CTNNA2: variants seen among roughly 807,000 people sequenced by gnomAD.
The protein encoded by CTNNA2 is catenin alpha-2.
CTNNA2 carries 42 observed loss-of-function variants against 101.0 expected under a neutral mutation model. That is an observed-to-expected ratio of 0.42 (90% CI 0.32 to 0.54). The LOEUF (loss-of-function observed/expected upper bound fraction) is 0.54, where lower values mean the gene tolerates loss of function less well. CTNNA2 is among the 20% of genes least tolerant of loss of function. The pLI is 0.14. For missense variants in CTNNA2, 871 were observed against 1,223.1 expected (o/e 0.71, Z 4.29); for synonymous variants, 450 against 456.4 (o/e 0.99, Z 0.18).
intron 7 of CTNNA2, among the ~76,000 whole-genome samples, chr2:80,176,775 T>A (rs112552868): frequency 1.7e-3 from 252 of 152,332 alleles, no homozygotes; most frequent in Non-Finnish European, 2.9e-3. Context: ...TCTGGGTCAA[T>A]CACCCCAGCC....
At chr2:80,589,912 G>A (rs893749937) in intron 15 of CTNNA2, among the ~76,000 whole-genome samples, 27 of 151,970 alleles carry the variant, frequency 1.8e-4, no homozygotes, top group East Asian at 5.8e-4. Context: ...GTGTGCGCGC[G>A]CGCGCATGTA....
At chr2:80,564,253 T>C (rs1693856838) in intron 12 of CTNNA2, among the ~76,000 whole-genome samples, 1 of 152,222 alleles carries the variant, frequency 6.6e-6, no homozygotes, top group African/African-American at 2.4e-5. Flanking sequence ...AGCTAGGTTT[T>C]GACAAACACT....
chr2:79,744,562 T>C lies in CTNNA2; in HGVS notation c.278T>C (p.Val93Ala), dbSNP rs773262596. 4 of 1,613,844 alleles carry C rather than the reference T, an allele frequency of 2.5e-6. No homozygotes were observed. Among genetic ancestry groups the C allele is most frequent in the South Asian group, 1.1e-5 (1 of 91,062 alleles). ...QDLKEELVAA[V>A]EDVRKQGETM... Reference sequence around the variant, plus strand: ...CTCAAAGAAGAGTTGGTGGCTGCTGTAGAGGATGTGCGCAAACAAGGTAGG... The same window carrying C: ...CTCAAAGAAGAGTTGGTGGCTGCTGCAGAGGATGTGCGCAAACAAGGTAGG... The change falls in exon 3 of 19, where the codon GTA becomes GCA. Residue 93 changes from valine to alanine, a missense_variant. By Grantham distance (64) the Val-to-Ala change is moderately conservative. This residue lies in a region of CTNNA2 where 647 missense variants were observed against 831.5 expected (regional missense o/e 0.78). Coordinates refer to ENST00000402739, the MANE Select transcript of CTNNA2 (RefSeq NM_001282597.3).
At chr2:79,992,409 G>A (rs908420455) in intron 7 of CTNNA2, among the ~76,000 whole-genome samples, 8 of 152,278 alleles carry the variant, frequency 5.3e-5, no homozygotes, top group Non-Finnish European at 1.0e-4. Context: ...AAATGTGTGA[G>A]GAATGATATA....
At chr2:80,317,698 G>A (rs530177186) in intron 7 of CTNNA2, among the ~76,000 whole-genome samples, 2 of 152,182 alleles carry the variant, frequency 1.3e-5, no homozygotes, top group African/African-American at 4.8e-5. Flanking sequence ...ACAGAATACC[G>A]ACAACCACAC....
At chr2:79,493,032 A>G (rs1411513624) in intron 4 of CTNNA2, among the ~76,000 whole-genome samples, 1 of 152,318 alleles carries the variant, frequency 6.6e-6, no homozygotes, top group African/African-American at 2.4e-5. Context: ...AGAACCATCA[A>G]CAAACTATGA....
Position 80,451,961 on chromosome 2 carries a change from G to A in CTNNA2, c.1290+32360G>A, listed in dbSNP as rs145058160. On this transcript the variant is annotated intron_variant, in intron 9 of 18. Transcript: ENST00000402739. Reference sequence around the variant, plus strand: ...AAGAGGAGGGCAAAAATAGAATTTGGACATAGAAAAAAATCCCTAAATCCA... The same window carrying A: ...AAGAGGAGGGCAAAAATAGAATTTGAACATAGAAAAAAATCCCTAAATCCA... 2.0e-5 allele frequency among the ~76,000 whole-genome samples: 3 copies of A among 152,048 alleles called. No individual in the cohort carries two copies. The East Asian group carries it at 5.8e-4, about 29-fold the overall frequency.
At chr2:79,543,450 G>T (rs544689193) in intron 1 of CTNNA2, among the ~76,000 whole-genome samples, 35 of 152,222 alleles carry the variant, frequency 2.3e-4, no homozygotes, top group Non-Finnish European at 4.6e-4. Flanking sequence ...TTTCTTTAAA[G>T]ATGTTTTTAA....
chr2:79,506,461 T>C (rs558802619), intron 5 of CTNNA2, among the ~76,000 whole-genome samples: 1 of 152,244 alleles, frequency 6.6e-6, no homozygotes, highest in Non-Finnish European at 1.5e-5. Flanking sequence ...CTGCATAGGC[T>C]ATAAACCCAC....
intron 6 of CTNNA2, among the ~76,000 whole-genome samples, chr2:79,892,204 G>A (rs748914338): frequency 6.6e-6 from 1 of 152,042 alleles, no homozygotes; most frequent in Non-Finnish European, 1.5e-5. Context: ...ATTCTGTTAA[G>A]ATTTGTGGAT....
intron 1 of CTNNA2, among the ~76,000 whole-genome samples, chr2:79,529,574 A>G (rs1672618324): frequency 1.3e-5 from 2 of 152,074 alleles, no homozygotes; most frequent in Admixed American, 6.6e-5. Context: ...TGGGATCTGC[A>G]TCTCAGGAAT....
At chr2:79,280,920 T>G (rs528177887) in intron 2 of CTNNA2, among the ~76,000 whole-genome samples, 239 of 152,162 alleles carry the variant, frequency 1.6e-3, no homozygotes, top group Non-Finnish European at 2.7e-3. Flanking sequence ...GAAAGCCTGA[T>G]GGGATCACTT....
chr2:80,300,616 T>TTC lies in CTNNA2; in HGVS notation c.1057-92586_1057-92585dup, dbSNP rs947612134. The stretch of plus-strand genomic sequence containing the variant: ...CATTCCCTCTTCCTGCTATTTGGAC[T>TTC]TCTCTCTCTCAAAAAAAAGGAAAAA... On this transcript the variant is annotated intron_variant, in intron 7 of 18. Transcript: ENST00000402739. Among the ~76,000 whole-genome samples the TTC allele has an allele frequency of 6.6e-5, 10 of 151,890 alleles. 1 individual carries two copies. Among genetic ancestry groups the TTC allele is most frequent in the Non-Finnish European group, 1.3e-4 (9 of 67,974 alleles).
intron 7 of CTNNA2, among the ~76,000 whole-genome samples, chr2:80,099,157 A>G (rs778757080): frequency 2.0e-5 from 3 of 151,802 alleles, no homozygotes; most frequent in Non-Finnish European, 4.4e-5. Context: ...CCACCCCCCG[A>G]ATTGTTTCAA....
rs1023472927 is a variant in CTNNA2, at chr2:79,892,344, C to T, written c.853-17250C>T. Among the ~76,000 whole-genome samples the T allele has an allele frequency of 5.9e-5, 9 of 152,004 alleles. No homozygotes were observed. In the South Asian group the frequency reaches 1.5e-3, roughly 25 times the overall value. ...ACTTTAGACAGTCATGGCCATGAAA[C>T]ATTGTGTCCCTGCAAATAATCACTA... On this transcript the variant is annotated intron_variant, in intron 6 of 18. Coordinates refer to ENST00000402739, the MANE Select transcript of CTNNA2 (RefSeq NM_001282597.3).
chr2:79,928,453 A>G (rs1201834907), intron 7 of CTNNA2, among the ~76,000 whole-genome samples: 1 of 152,228 alleles, frequency 6.6e-6, no homozygotes, highest in Non-Finnish European at 1.5e-5. Context: ...GAAATATACT[A>G]TTCTATTCAT....
chr2:80,390,143 A>G (rs73938296), intron 7 of CTNNA2, among the ~76,000 whole-genome samples: 3,717 of 152,238 alleles, frequency 0.024, 113 homozygotes, highest in African/African-American at 0.07. Context: ...TCTTTTTGCC[A>G]GTCAAAGTGC....
intron 9 of CTNNA2, among the ~76,000 whole-genome samples, chr2:80,524,271 A>C (rs986147240): frequency 1.3e-5 from 2 of 152,202 alleles, no homozygotes; most frequent in African/African-American, 4.8e-5. Context: ...GAGGTACCTC[A>C]TAAGATAGTA....
chr2:80,486,153 T>C (rs1329264999), intron 9 of CTNNA2, among the ~76,000 whole-genome samples: 5 of 152,202 alleles, frequency 3.3e-5, no homozygotes, highest in Non-Finnish European at 7.4e-5. Context: ...AACAGAATGT[T>C]CATACTGGAA....
Sources: gnomAD v4.1 joint callset for allele counts (sites outside exome capture counted in the v4.1 genomes callset) on GRCh38, gnomAD v4.1.1 for gene constraint, gnomAD v4.1.1 regional missense constraint, MANE v1.5 for transcripts, NCBI Gene and HGNC (gene_info 2026-07-23, HGNC 2026-07-21) for gene names.